Variants in RRP7A observed in about 807,000 individuals in gnomAD.
RRP7A encodes the protein ribosomal RNA-processing protein 7 homolog A.
Under a neutral mutation model 38.4 loss-of-function variants are expected in RRP7A, and 27 were observed. The ratio of observed to expected loss-of-function variants is 0.70; its 90% confidence interval spans 0.52 to 0.97. The LOEUF (loss-of-function observed/expected upper bound fraction) is 0.97. Ranked by LOEUF, RRP7A falls within the 50% of genes least tolerant of loss-of-function variation. The pLI is 0.00. For missense variants in RRP7A, 327 were observed against 375.4 expected (o/e 0.87, Z 1.07); for synonymous variants, 124 against 150.3 (o/e 0.83, Z 1.28).
rs762581437 is a variant in RRP7A at position 42,516,012 on chromosome 22, G to A, written c.341C>T (p.Pro114Leu). 1.1e-5 allele frequency: 18 copies of A among 1,592,560 alleles called. No individual in the cohort carries two copies. Among genetic ancestry groups the A allele is most frequent in the South Asian group, 7.9e-5 (7 of 88,838 alleles). The change falls in exon 3 of 7, where the codon CCG becomes CTG. Residue 114 changes from proline (P) to leucine (L), a missense_variant and splice_region_variant. Coordinates refer to ENST00000323013, the MANE Select transcript of RRP7A (RefSeq NM_015703.5). ...RSKFFHPKPV[P>L]GFQVAYVVFQ... The stretch of plus-strand genomic sequence containing the variant: ...GGAACCCCGGGCTTGGCGGCTCACC[G>A]GAACTGGCTTGGGATGAAAAAACTT...
rs1932436699 is a variant in RRP7A at position 42,510,853 on chromosome 22, T to C, written c.*2057A>G. 4.5e-6 allele frequency: 5 copies of C among 1,121,486 alleles called. No homozygotes were observed. Among genetic ancestry groups the C allele is most frequent in the Non-Finnish European group, 1.1e-6 (1 of 885,096 alleles). 69.5% of individuals were successfully genotyped at this position (1,121,486 alleles called of 1,614,324 possible). ...CAGGCCCAACAAGTGACCACCAGGA[T>C]CTATCAGGCCTCATGCTCCAGTGAT... On this transcript the variant is annotated 3_prime_UTR_variant, in exon 7 of 7. Transcript: ENST00000323013.
chr22:42,516,422 G>T (rs1193442653), intron 2 of RRP7A: 1 of 469,398 alleles, frequency 2.1e-6, no homozygotes, highest in Admixed American at 2.7e-5. Context: ...TGATTCTCAT[G>T]CCTCAGTCTC....
Position 42,510,615 on chromosome 22 carries a change from A to G in RRP7A, c.*2295T>C, listed in dbSNP as rs1257839827. On this transcript the variant is annotated 3_prime_UTR_variant, in exon 7 of 7. Transcript: ENST00000323013. ...CTAAGATGAACCCCAACAACCCCCAACTCCTCACTTTCCAGAGCAGTCCAC... is the reference window on the plus strand; with the variant it reads ...CTAAGATGAACCCCAACAACCCCCAGCTCCTCACTTTCCAGAGCAGTCCAC... 54 of 1,128,264 alleles carry G rather than the reference A, an allele frequency of 4.8e-5. 1 individual carries two copies. 69.9% of individuals were successfully genotyped at this position (1,128,264 alleles called of 1,614,324 possible).
chr22:42,515,967 C>CGCA lies in RRP7A; in HGVS notation c.342+43_342+44insTGC, dbSNP rs1569260827. 3 of 1,554,060 alleles carry CGCA rather than the reference C, an allele frequency of 1.9e-6. No homozygotes were observed. The African/African-American group carries it at 4.1e-5, about 21-fold the overall frequency. ...TCCCCCAACACACTGGGGACAGTGC[C>CGCA]CCACCCCCCTCACTCTAGTGGAACC... On this transcript the variant is annotated intron_variant, in intron 3 of 6. Transcript: ENST00000323013.
intron 6 of RRP7A, among the ~76,000 whole-genome samples, chr22:42,513,434 G>A (rs1409878642): frequency 9.3e-6 from 1 of 107,690 alleles, no homozygotes; most frequent in East Asian, 2.4e-4. Context: ...TGAGGGTCTA[G>A]AGCGAGCACG....
In RRP7A at chr22:42,518,139, T is replaced by C. The variant is rs530672590; in HGVS notation, c.82A>G (p.Ile28Val). 19 of 1,612,308 alleles carry C rather than the reference T, an allele frequency of 1.2e-5. No individual in the cohort carries two copies. Among genetic ancestry groups the C allele is most frequent in the Middle Eastern group, 1.8e-4 (1 of 5,426 alleles). The change falls in exon 2 of 7, where the codon ATC becomes GTC. Residue 28 changes from isoleucine (I) to valine (V), a missense_variant. Transcript: ENST00000323013. ...PSPLGYAAIP[I>V]KFSEKQQASH... ...GCCTGTTGCTTTTCAGAGAACTTGA[T>C]TGGAATAGCTGGAAAGGAAATGGGA...
At chr22:42,517,288 AT>A (rs1364273751) in intron 2 of RRP7A, among the ~76,000 whole-genome samples, 3 of 135,268 alleles carry the variant, frequency 2.2e-5, no homozygotes, top group East Asian at 2.4e-4. Flanking sequence ...AAATAAATAA[AT>A]TAAATAAATA....
rs2281103 is a variant in RRP7A at position 42,510,855 on chromosome 22, T to C, written c.*2055A>G. On this transcript the variant is annotated 3_prime_UTR_variant, in exon 7 of 7. Transcript: ENST00000323013. Reference sequence around the variant, plus strand: ...GGCCCAACAAGTGACCACCAGGATCTATCAGGCCTCATGCTCCAGTGATCA... The same window carrying C: ...GGCCCAACAAGTGACCACCAGGATCCATCAGGCCTCATGCTCCAGTGATCA... 8 of 1,099,208 alleles carry C rather than the reference T, an allele frequency of 7.3e-6. No individual in the cohort carries two copies. The African/African-American group carries it at 8.3e-5, about 11-fold the overall frequency. 68.1% of individuals were successfully genotyped at this position (1,099,208 alleles called of 1,614,324 possible).
rs1466101040 is a variant in RRP7A at position 42,510,295 on chromosome 22, GAC to G, written c.*2613_*2614del. 6.4e-6 allele frequency: 1 copy of G among 156,796 alleles called. No homozygotes were observed. The highest frequency in any genetic ancestry group is 1.4e-5 in the Non-Finnish European group (1 of 71,162). 9.7% of individuals were successfully genotyped at this position (156,796 alleles called of 1,614,324 possible). Reference sequence around the variant, plus strand: ...AGACTTTCAATGGGAGGATTGTGAAGACATAAATTCTCTCTCAGAGCAAGTGT... The same window carrying G: ...AGACTTTCAATGGGAGGATTGTGAAGATAAATTCTCTCTCAGAGCAAGTGT... On this transcript the variant is annotated 3_prime_UTR_variant, in exon 7 of 7. Coordinates refer to ENST00000323013, the MANE Select transcript of RRP7A (RefSeq NM_015703.5).
Position 42,510,333 on chromosome 22 carries a change from G to A in RRP7A, c.*2577C>T, listed in dbSNP as rs1256788465. The A allele has an allele frequency of 1.8e-5, 3 of 169,060 alleles. No homozygotes were observed. Among genetic ancestry groups the A allele is most frequent in the Middle Eastern group, 2.4e-3 (1 of 412 alleles). The allele number at this position is 169,060 out of a possible 1,614,324, so 10.5% of individuals were successfully genotyped here. ...TCTCAGAGCAAGTGTGGGCTCCAGC[G>A]CCTGTTCAGATCCCAGCTCTGCTGT... is the stretch of plus-strand genomic sequence containing the variant. On this transcript the variant is annotated 3_prime_UTR_variant, in exon 7 of 7. Coordinates refer to ENST00000323013, the MANE Select transcript of RRP7A (RefSeq NM_015703.5).
At chr22:42,517,602 C>CTA (rs1276724213) in intron 2 of RRP7A, among the ~76,000 whole-genome samples, 1 of 152,104 alleles carries the variant, frequency 6.6e-6, no homozygotes, top group Non-Finnish European at 1.5e-5. Context: ...TCACTGCAAC[C>CTA]TACACCTCCC....
chr22:42,514,749 G>A lies in RRP7A; in HGVS notation c.491C>T (p.Pro164Leu), dbSNP rs538840606. 3 of 1,611,638 alleles carry A rather than the reference G, an allele frequency of 1.9e-6. No homozygotes were observed. The Admixed American group carries it at 5.0e-5, about 27-fold the overall frequency. Residue 164 changes from proline to leucine, a missense_variant, in exon 5 of 7, where the codon CCC becomes CTC. Physicochemically the swap from Pro to Leu is moderately conservative, Grantham distance 98. Around this residue, in one of 5 missense-constraint regions of RRP7A, gnomAD observed 46 missense variants for 93.0 expected, o/e 0.49. Transcript: ENST00000323013. ...KWISDYADSV[P>L]DPEALRVEVD... ...TTCCACCCTCAGGGCCTCAGGGTCG[G>A]GCACAGAGTCTGCGTAGTCACTGAT...
chr22:42,516,019 G>T lies in RRP7A; in HGVS notation c.334C>A (p.Pro112Thr). 3.7e-6 allele frequency: 6 copies of T among 1,601,848 alleles called. No individual in the cohort carries two copies. The highest frequency in any genetic ancestry group is 5.1e-6 in the Non-Finnish European group (6 of 1,172,276). Residue 112 changes from proline (P) to threonine (T), a missense_variant, in exon 3 of 7, where the codon CCA (proline) becomes ACA (threonine). Physicochemically the swap from Pro to Thr is conservative, Grantham distance 38. Around this residue, in one of 5 missense-constraint regions of RRP7A, gnomAD observed 12 missense variants for 27.1 expected, o/e 0.44. Coordinates refer to ENST00000323013, the MANE Select transcript of RRP7A (RefSeq NM_015703.5). Reference protein sequence around the residue: ...ESRSKFFHPKPVPGFQVAYVV... With the variant: ...ESRSKFFHPKTVPGFQVAYVV... ...CGGGCTTGGCGGCTCACCGGAACTGGCTTGGGATGAAAAAACTTCGACCTT... is the reference window on the plus strand; with the variant it reads ...CGGGCTTGGCGGCTCACCGGAACTGTCTTGGGATGAAAAAACTTCGACCTT...
In RRP7A at chr22:42,510,269, TAG is replaced by T. The variant is rs1344713080; in HGVS notation, c.*2639_*2640del. ...GAGCCACCATACCCGGCCAGGATTG[TAG>T]ACTTTCAATGGGAGGATTGTGAAGA... On this transcript the variant is annotated 3_prime_UTR_variant, in exon 7 of 7. Coordinates refer to ENST00000323013, the MANE Select transcript of RRP7A (RefSeq NM_015703.5). The T allele has an allele frequency of 6.5e-6, 1 of 154,284 alleles. No individual in the cohort carries two copies. Among genetic ancestry groups the T allele is most frequent in the East Asian group, 1.9e-4 (1 of 5,256 alleles). 9.6% of individuals were successfully genotyped at this position (154,284 alleles called of 1,614,324 possible).
chr22:42,514,107 C>T lies in RRP7A; in HGVS notation c.756G>A (p.Glu252=), dbSNP rs1208033356. The part of the protein sequence containing the change: ...YAWQHRESKM[E]HLAQLRKKFE... ...GAGGATGGACTGGGGGTGGCTTACGCTCCATCTTGCTCTCTCGATGCTGCC... is the reference window on the plus strand; with the variant it reads ...GAGGATGGACTGGGGGTGGCTTACGTTCCATCTTGCTCTCTCGATGCTGCC... Residue 252 remains glutamate (E), a splice_region_variant and synonymous_variant, in exon 6 of 7, where the codon GAG becomes GAA. Transcript: ENST00000323013. The T allele has an allele frequency of 3.1e-6, 5 of 1,611,914 alleles. No homozygotes were observed. The highest frequency in any genetic ancestry group is 2.2e-5 in the East Asian group (1 of 44,854).
chr22:42,513,136 C>A, intron 6 of RRP7A, 141 bp from the exon 7 acceptor site: 2 of 745,166 alleles, frequency 2.7e-6, no homozygotes, highest in Non-Finnish European at 4.6e-6. Flanking sequence ...CCCAGCTCTG[C>A]TGTGGGGGCA....
Position 42,512,892 on chromosome 22 carries a change from C to G in RRP7A, c.*18G>C. The G allele has an allele frequency of 6.2e-7, 1 of 1,610,884 alleles. No individual in the cohort carries two copies. The highest frequency in any genetic ancestry group is 8.5e-7 in the Non-Finnish European group (1 of 1,177,790). On this transcript the variant is annotated 3_prime_UTR_variant, in exon 7 of 7. Coordinates refer to ENST00000323013, the MANE Select transcript of RRP7A (RefSeq NM_015703.5). ...TCCTGGCCCTGCACCTCCAGCCATT[C>G]ACTGCGGCTCTCACAGCTCAGTACG...
chr22:42,516,590 G>C (rs1920930390), intron 2 of RRP7A, among the ~76,000 whole-genome samples: 1 of 152,242 alleles, frequency 6.6e-6, no homozygotes, highest in Non-Finnish European at 1.5e-5. Context: ...TGGGATTACA[G>C]GCGTGAGCCA....
In RRP7A at chr22:42,514,308, C is replaced by T; in HGVS notation, c.559-4G>A. ...CCTCCTTGGCCTTAGCTTCTTCCTG[C>T]AAGGAAGGTGATCCCATCCTCCGGT... is the stretch of plus-strand genomic sequence containing the variant. On this transcript the variant is annotated splice_polypyrimidine_tract_variant and splice_region_variant and intron_variant, in intron 5 of 6. Transcript: ENST00000323013. 1 of 1,555,870 alleles carries T rather than the reference C, an allele frequency of 6.4e-7. No homozygotes were observed. The highest frequency in any genetic ancestry group is 2.2e-5 in the East Asian group (1 of 44,446).
Sources: allele counts gnomAD v4.1 joint callset (sites outside exome capture counted in the v4.1 genomes callset), GRCh38; gene constraint gnomAD v4.1.1; regional missense constraint gnomAD v4.1.1; transcripts MANE v1.5; gene names NCBI Gene and HGNC (gene_info 2026-07-23, HGNC 2026-07-21).